MYOM2: variants seen among roughly 807,000 people sequenced by gnomAD.
MYOM2 encodes the protein myomesin-2.
In MYOM2, 254 loss-of-function variants were observed where a neutral mutation model predicts 187.6. The ratio of observed to expected loss-of-function variants is 1.35; its 90% CI spans 1.22 to 1.50. The LOEUF is 1.50. Ranked by LOEUF, MYOM2 falls within the 40% of genes most tolerant of loss-of-function variation. The pLI is 0.00. For missense variants in MYOM2, 2,796 were observed against 1,924.0 expected, an observed-to-expected ratio of 1.45 and a Z score of -8.48; for synonymous variants, 981 against 753.8, an observed-to-expected ratio of 1.30 and a Z score of -4.94.
intron 11 of MYOM2, among the ~76,000 whole-genome samples, chr8:2,077,222 A>T (rs1819456355): frequency 6.6e-6 from 1 of 152,136 alleles, no homozygotes; most frequent in South Asian, 2.1e-4. Flanking sequence ...AGGCAGGAGC[A>T]TCTCTTGAAC....
Position 2,144,991 on chromosome 8 carries a change from C to G in MYOM2, c.*10C>G, listed in dbSNP as rs1361799037. The G allele has an allele frequency of 1.2e-6, 2 of 1,612,156 alleles. No individual in the cohort carries two copies. The highest frequency in any genetic ancestry group is 1.7e-4 in the Middle Eastern group (1 of 6,030). On this transcript the variant is annotated 3_prime_UTR_variant, in exon 37 of 37. Coordinates refer to ENST00000262113, the MANE Select transcript of MYOM2 (RefSeq NM_003970.4). Reference sequence around the variant, plus strand: ...AGCGGCAGGCCAGTGAAGGCGTTTTCCTAGCCTGGAGATGGGAAAATATGC... The same window carrying G: ...AGCGGCAGGCCAGTGAAGGCGTTTTGCTAGCCTGGAGATGGGAAAATATGC...
In MYOM2 at chr8:2,076,249, C is replaced by T. The variant is rs1261758396; in HGVS notation, c.1229C>T (p.Thr410Ile). The part of the protein sequence containing the change: ...IVTWKPPNTT[T>I]ESPVMGYFVD... ...ACCTGGAAGCCGCCCAACACCACCA[C>T]TGAGAGCCCCGTCATGGGCTATTTT... Residue 410 changes from threonine (T) to isoleucine (I), a missense_variant, in exon 11 of 37, where the codon ACT becomes ATT. Transcript: ENST00000262113. 6.2e-7 allele frequency: 1 copy of T among 1,613,804 alleles called. No homozygotes were observed. Among genetic ancestry groups the T allele is most frequent in the Admixed American group, 1.7e-5 (1 of 59,992 alleles).
chr8:2,106,605 T>C lies in MYOM2; in HGVS notation c.2998+8T>C. 15 of 1,582,356 alleles carry C rather than the reference T, an allele frequency of 9.5e-6. No individual in the cohort carries two copies. Among genetic ancestry groups the C allele is most frequent in the African/African-American group, 1.3e-5 (1 of 74,240 alleles). On this transcript the variant is annotated splice_region_variant and intron_variant, in intron 23 of 36. Transcript: ENST00000262113. ...TTGTTCTGGACCCAGAAGGTAATAT[T>C]TATATGGCAGAACCTTGCCTGTTTT...
chr8:2,138,238 CA>C (rs1321532782), intron 32 of MYOM2, among the ~76,000 whole-genome samples: 1 of 152,234 alleles, frequency 6.6e-6, no homozygotes, highest in Admixed American at 6.5e-5. Flanking sequence ...AGCTTGCAAA[CA>C]TGGCACTCTC....
At chr8:2,102,350 C>T (rs185392094) in intron 20 of MYOM2, 2,696 of 251,620 alleles carry the variant, frequency 0.011, 30 homozygotes, top group Non-Finnish European at 0.017. Context: ...GTATTTGGTT[C>T]CACAGAATTA....
chr8:2,117,821 G>A, intron 27 of MYOM2, 64 bp from the exon 28 acceptor site: 2 of 1,029,442 alleles, frequency 1.9e-6, no homozygotes, highest in South Asian at 1.4e-5. Flanking sequence ...ATATATAATA[G>A]CTATATATTT....
chr8:2,061,186 G>C (rs1045472591), intron 6 of MYOM2, among the ~76,000 whole-genome samples: 1 of 151,836 alleles, frequency 6.6e-6, no homozygotes, highest in African/African-American at 2.4e-5. Flanking sequence ...TTTAGTGAGG[G>C]AGGGGGTCTC....
At chr8:2,115,592 G>A (rs1276259880) in intron 25 of MYOM2, among the ~76,000 whole-genome samples, 1 of 152,116 alleles carries the variant, frequency 6.6e-6, no homozygotes, top group Non-Finnish European at 1.5e-5. Context: ...TATCCATGTG[G>A]GATTTTTGTC....
chr8:2,086,495 C>CCCCACTGTCGTGATCTCTGCGTGGCCT (rs1796075896), intron 14 of MYOM2, among the ~76,000 whole-genome samples: 1 of 77,124 alleles, frequency 1.3e-5, no homozygotes, highest in Non-Finnish European at 3.3e-5. Flanking sequence ...CTGTGTGGCC[C>CCCCACTGTCGTGATCTCTGCGTGGCCT]CCCACTGTCG....
At chr8:2,100,080 T>TCTTCTTTCCTTCCTTCCTTCCTTC (rs1796638204) in intron 19 of MYOM2, among the ~76,000 whole-genome samples, 1 of 35,452 alleles carries the variant, frequency 2.8e-5, no homozygotes, top group African/African-American at 9.0e-5. Context: ...TTCCTTCCTT[T>TCTTCTTTCCTTCCTTCCTTCCTTC]CTTCTTTCCT....
chr8:2,060,755 T>C (rs1818825952), intron 6 of MYOM2, among the ~76,000 whole-genome samples: 1 of 22,098 alleles, frequency 4.5e-5, no homozygotes, highest in Admixed American at 6.4e-4. Context: ...TTCGTTTGTT[T>C]GTTTTTTTAA....
chr8:2,081,684 C>A (rs971138699), intron 13 of MYOM2: 1 of 153,588 alleles, frequency 6.5e-6, no homozygotes, highest in African/African-American at 2.4e-5. Flanking sequence ...TTCCCCAGGG[C>A]AGAAGCCCTG....
At chr8:2,067,097 A>G (rs1183325208) in intron 6 of MYOM2, among the ~76,000 whole-genome samples, 1 of 152,212 alleles carries the variant, frequency 6.6e-6, no homozygotes, top group Non-Finnish European at 1.5e-5. Context: ...AGGGGAAAGA[A>G]TTCTCAGTAG....
At chr8:2,115,300 A>C (rs996158961) in intron 25 of MYOM2, among the ~76,000 whole-genome samples, 1 of 152,246 alleles carries the variant, frequency 6.6e-6, no homozygotes, top group East Asian at 1.9e-4. Context: ...CAAAAGATCA[A>C]ATTTGCTCAA....
At chr8:2,126,706 C>CT (rs147483753) in intron 31 of MYOM2, among the ~76,000 whole-genome samples, 10,827 of 124,114 alleles carry the variant, frequency 0.087, 682 homozygotes, top group South Asian at 0.19. Flanking sequence ...CTGATGGAGG[C>CT]TGGGTGAGCA....
At position 2,086,455 on chromosome 8, in the gene MYOM2, T is replaced by C. The variant is rs1483450999; in HGVS notation, c.1644+1065T>C. 1.3e-5 allele frequency among the ~76,000 whole-genome samples: 2 copies of C among 148,388 alleles called. 1 individual carries two copies. The highest frequency in any genetic ancestry group is 5.2e-5 in the African/African-American group (2 of 38,580). On this transcript the variant is annotated intron_variant, in intron 14 of 36. Coordinates refer to ENST00000262113, the MANE Select transcript of MYOM2 (RefSeq NM_003970.4). ...TCTGCGTGGCCCCCTACTGTCGTGA[T>C]CTCCACGTGGCCACACACTGTCATG...
intron 6 of MYOM2, among the ~76,000 whole-genome samples, chr8:2,065,158 G>C (rs1195306681): frequency 6.6e-6 from 1 of 152,172 alleles, no homozygotes; most frequent in African/African-American, 2.4e-5. Flanking sequence ...ATGTATTCTA[G>C]AAGTCTAAAA....
At chr8:2,096,190 G>T (rs559835594) in intron 17 of MYOM2, 57 bp from the exon 18 acceptor site, 4 of 1,552,796 alleles carry the variant, frequency 2.6e-6, no homozygotes, top group Middle Eastern at 4.4e-4. Context: ...TGGCTGCCCC[G>T]GGGACAAAGC....
intron 14 of MYOM2, among the ~76,000 whole-genome samples, chr8:2,089,075 C>G (rs910356098): frequency 6.6e-6 from 1 of 150,730 alleles, no homozygotes; most frequent in African/African-American, 2.4e-5. Flanking sequence ...AAAACTCCTT[C>G]AAATATGAGT....
Sources: gnomAD v4.1 joint callset for allele counts (sites outside exome capture counted in the v4.1 genomes callset) on GRCh38, gnomAD v4.1.1 for gene constraint, MANE v1.5 for transcripts, NCBI Gene and HGNC (gene_info 2026-07-23, HGNC 2026-07-21) for gene names.